The following FAT1 variants were observed in gnomAD, a reference collection of about 807,000 sequenced individuals.
The protein encoded by FAT1 is protocadherin Fat 1.
FAT1 carries 171 observed loss-of-function variants against 329.8 expected under a neutral mutation model. The observed-to-expected ratio is 0.52, with a 90% CI of 0.46 to 0.59. FAT1 has a LOEUF of 0.59. FAT1 is among the 20% of genes least tolerant of loss of function. The pLI, the probability that FAT1 is intolerant of heterozygous loss-of-function variation, is 0.00. For synonymous variants in FAT1, 2,233 were observed against 2,228.6 expected, an observed-to-expected ratio of 1.00 and a Z score of -0.06; for missense variants, 5,672 against 5,774.4, an observed-to-expected ratio of 0.98 and a Z score of 0.57.
Position 186,644,834 on chromosome 4 carries a change from T to C in FAT1, c.3581-5051A>G, listed in dbSNP as rs138764533. ...AGTAGGTGAAGACAGTCATGTGACA[T>C]GGTCCACACAGCTGGAGCGATGAAT... On this transcript the variant is annotated intron_variant, in intron 3 of 26. Transcript: ENST00000441802. 2.9e-3 allele frequency among the ~76,000 whole-genome samples: 439 copies of C among 152,344 alleles called. 1 individual carries two copies. The highest frequency in any genetic ancestry group is 9.1e-3 in the African/African-American group (378 of 41,584).
intron 2 of FAT1, among the ~76,000 whole-genome samples, chr4:186,686,936 G>A (rs180914841): frequency 5.9e-5 from 9 of 152,228 alleles, no homozygotes; most frequent in Admixed American, 2.6e-4. Flanking sequence ...TGATAGCAGC[G>A]AAAACGAAAA....
chr4:186,668,224 G>A (rs1342316727), intron 2 of FAT1, among the ~76,000 whole-genome samples: 1 of 152,092 alleles, frequency 6.6e-6, no homozygotes, highest in Non-Finnish European at 1.5e-5. Context: ...CAAGAACCCT[G>A]GGCAGAAACT....
rs148361322 is a variant in FAT1 at position 186,681,676 on chromosome 4, C to A, written c.3266-18063G>T. ...CACATCGATGAGTTATTTCAACTGACAGCGTAAAGCATTTTTAACCTGAAA... is the reference window on the plus strand; with the variant it reads ...CACATCGATGAGTTATTTCAACTGAAAGCGTAAAGCATTTTTAACCTGAAA... On this transcript the variant is annotated intron_variant, in intron 2 of 26. Transcript: ENST00000441802. 5.9e-5 allele frequency among the ~76,000 whole-genome samples: 9 copies of A among 152,346 alleles called. No homozygotes were observed. In the East Asian group the frequency reaches 1.7e-3, roughly 29 times the overall value.
At chr4:186,626,991 C>T (rs1240258536) in intron 9 of FAT1, among the ~76,000 whole-genome samples, 9 of 88,872 alleles carry the variant, frequency 1.0e-4, no homozygotes, top group East Asian at 3.9e-4. Flanking sequence ...GCACATAAAG[C>T]GAGCTTCATC....
intron 3 of FAT1, among the ~76,000 whole-genome samples, chr4:186,645,970 C>T (rs201793986): frequency 0.041 from 2,991 of 73,010 alleles, 87 homozygotes; most frequent in Non-Finnish European, 0.069. Flanking sequence ...AAAATATATA[C>T]ACACACACAC....
intron 3 of FAT1, among the ~76,000 whole-genome samples, chr4:186,651,976 C>T (rs921352366): frequency 6.6e-6 from 1 of 152,232 alleles, no homozygotes; most frequent in Non-Finnish European, 1.5e-5. Flanking sequence ...TATTCATAGA[C>T]TGGCGAGGCT....
intron 2 of FAT1, among the ~76,000 whole-genome samples, chr4:186,673,823 C>G (rs1355938312): frequency 6.6e-6 from 1 of 152,130 alleles, no homozygotes; most frequent in East Asian, 1.9e-4. Flanking sequence ...CATGTTGTCC[C>G]GCTTTGTTGA....
chr4:186,699,740 C>A (rs909118267), intron 2 of FAT1, among the ~76,000 whole-genome samples: 1 of 145,002 alleles, frequency 6.9e-6, no homozygotes, highest in African/African-American at 2.5e-5. Context: ...AATAACAGTA[C>A]ACAAAACACA....
At chr4:186,590,706 A>G in intron 26 of FAT1, 3 of 455,628 alleles carry the variant, frequency 6.6e-6, no homozygotes, top group South Asian at 3.1e-5. Flanking sequence ...CTGAAAACAC[A>G]GAATTTCCTT....
At chr4:186,702,865 C>T (rs1242757320) in intron 2 of FAT1, among the ~76,000 whole-genome samples, 1 of 152,090 alleles carries the variant, frequency 6.6e-6, no homozygotes, top group South Asian at 2.1e-4. Flanking sequence ...GCAGGCAGAC[C>T]GAACCCTGAA....
At chr4:186,644,752 A>G (rs1275041862) in intron 3 of FAT1, among the ~76,000 whole-genome samples, 2 of 152,222 alleles carry the variant, frequency 1.3e-5, no homozygotes, top group Non-Finnish European at 2.9e-5. Flanking sequence ...CTCAAAATTC[A>G]AGAGATAAAG....
In FAT1 at chr4:186,620,090, C is replaced by G. The variant is rs2126512286; in HGVS notation, c.6496G>C (p.Ala2166Pro). The change falls in exon 10 of 27, where the codon GCG becomes CCG. Residue 2166 changes from alanine (A) to proline (P), a missense_variant. By Grantham distance (27) the Ala-to-Pro change is conservative. This residue lies in a region of FAT1 where 3,966 missense variants were observed against 3,915.2 expected (regional missense o/e 1.01). Transcript: ENST00000441802. ...ACAGTGATCGGAACGATAACTTCCG[C>G]TGAAAAGGCCGGGTTCCCTCCATCT... ...AKDGGNPAFS[A>P]EVIVPITVMN... The G allele has an allele frequency of 6.2e-6, 10 of 1,614,006 alleles. No individual in the cohort carries two copies. Among genetic ancestry groups the G allele is most frequent in the Non-Finnish European group, 8.5e-6 (10 of 1,179,890 alleles).
At chr4:186,687,800 C>A (rs1339088651) in intron 2 of FAT1, among the ~76,000 whole-genome samples, 9 of 152,160 alleles carry the variant, frequency 5.9e-5, no homozygotes, top group African/African-American at 2.2e-4. Context: ...ACCTACCAAC[C>A]AGAAAATGTT....
intron 2 of FAT1, among the ~76,000 whole-genome samples, chr4:186,667,390 A>G (rs1742500210): frequency 6.6e-6 from 1 of 152,238 alleles, no homozygotes; most frequent in Non-Finnish European, 1.5e-5. Context: ...CTCTATTCAA[A>G]TATCGGAGAT....
intron 2 of FAT1, among the ~76,000 whole-genome samples, chr4:186,684,817 CAT>C (rs1264773634): frequency 6.6e-6 from 1 of 152,128 alleles, no homozygotes; most frequent in Admixed American, 6.6e-5. Context: ...TAGGGCGTAA[CAT>C]ATTAAACAGA....
Position 186,636,239 on chromosome 4 carries a change from C to T in FAT1, c.3973-4G>A, listed in dbSNP as rs919320742. Reference sequence around the variant, plus strand: ...GACCATTGTCAACTGCCTTAATCTACAACATTTGGGCAGAGGGGATTAAAA... The same window carrying T: ...GACCATTGTCAACTGCCTTAATCTATAACATTTGGGCAGAGGGGATTAAAA... On this transcript the variant is annotated splice_polypyrimidine_tract_variant and splice_region_variant and intron_variant, in intron 5 of 26. Transcript: ENST00000441802. 6.2e-7 allele frequency: 1 copy of T among 1,613,012 alleles called. No homozygotes were observed. Among genetic ancestry groups the T allele is most frequent in the African/African-American group, 1.3e-5 (1 of 74,998 alleles).
intron 7 of FAT1, among the ~76,000 whole-genome samples, chr4:186,632,103 G>A (rs1364017043): frequency 2.6e-5 from 4 of 152,168 alleles, no homozygotes; most frequent in Non-Finnish European, 4.4e-5. Flanking sequence ...AGGAAGCAAT[G>A]AAATTTAAGA....
At position 186,612,706 on chromosome 4, in the gene FAT1, A is replaced by C. The variant is rs2584352; in HGVS notation, c.9463+403T>G. ...CAAATGCTACAAATATACATTCTAT[A>C]GTCCAATTTTCTCTAAAAAAATTTT... is the stretch of plus-strand genomic sequence containing the variant. On this transcript the variant is annotated intron_variant, in intron 13 of 26. Coordinates refer to ENST00000441802, the MANE Select transcript of FAT1 (RefSeq NM_005245.4). Among the ~76,000 whole-genome samples the C allele has an allele frequency of 8.2e-3, 1,252 of 152,338 alleles. 12 individuals are homozygous for C. The highest frequency in any genetic ancestry group is 0.028 in the African/African-American group (1,159 of 41,572).
chr4:186,663,792 A>G (rs1278644164), intron 2 of FAT1, among the ~76,000 whole-genome samples, 179 bp from the exon 3 acceptor site: 2 of 152,212 alleles, frequency 1.3e-5, no homozygotes, highest in Admixed American at 1.3e-4. Context: ...AATAGAGACA[A>G]TAATAGTATA....
Sources: allele counts gnomAD v4.1 joint callset (sites outside exome capture counted in the v4.1 genomes callset), GRCh38; gene constraint gnomAD v4.1.1; regional missense constraint gnomAD v4.1.1; transcripts MANE v1.5; gene names NCBI Gene and HGNC (gene_info 2026-07-23, HGNC 2026-07-21).